AP4E1: variants seen among roughly 807,000 people sequenced by gnomAD.
AP4E1 encodes adaptor related protein complex 4 subunit epsilon 1.
In AP4E1, 56 loss-of-function variants were observed where a neutral mutation model predicts 128.2. The ratio of observed to expected loss-of-function variants is 0.44; its 90% CI spans 0.35 to 0.55. AP4E1 has a LOEUF of 0.55. Among genes scored for constraint, AP4E1 ranks in the 20% least tolerant of loss-of-function variants. The probability of loss-of-function intolerance (pLI) is 0.00; values close to 1 mark genes in which losing one functional copy is unlikely to be tolerated. For synonymous variants in AP4E1, 484 were observed against 473.1 expected (o/e 1.02, Z -0.30); for missense variants, 1,324 against 1,307.7 (o/e 1.01, Z -0.19).
At position 50,937,845 on chromosome 15, in the gene AP4E1, C is replaced by T. The variant is rs569629672; in HGVS notation, c.943+3148C>T. Among the ~76,000 whole-genome samples, 40 of 152,118 alleles carry T rather than the reference C, an allele frequency of 2.6e-4. No homozygotes were observed. In the South Asian group the frequency reaches 3.1e-3, roughly 12 times the overall value. Reference sequence around the variant, plus strand: ...TTTATGGTGGGGAGCAGTGGAAGGGCGGTATTGTGGAGGACCTGTCACAAC... The same window carrying T: ...TTTATGGTGGGGAGCAGTGGAAGGGTGGTATTGTGGAGGACCTGTCACAAC... On this transcript the variant is annotated intron_variant, in intron 8 of 20. Transcript: ENST00000261842.
At chr15:50,977,343 A>G (rs942382084) in intron 15 of AP4E1, among the ~76,000 whole-genome samples, 1 of 152,200 alleles carries the variant, frequency 6.6e-6, no homozygotes, top group Non-Finnish European at 1.5e-5. Flanking sequence ...TAGCTGACAC[A>G]AATACAAGAG....
intron 14 of AP4E1, among the ~76,000 whole-genome samples, chr15:50,960,012 AT>A (rs1388982989): frequency 6.6e-6 from 1 of 151,544 alleles, no homozygotes; most frequent in East Asian, 1.9e-4. Context: ...TGGAAAAAAA[AT>A]ATAAAGGAGA....
chr15:50,970,724 AC>A (rs1411971111), intron 15 of AP4E1, among the ~76,000 whole-genome samples: 1 of 151,574 alleles, frequency 6.6e-6, no homozygotes, highest in Non-Finnish European at 1.5e-5. Context: ...TCTTTTTCCA[AC>A]CCCCCACTTT....
At chr15:50,952,850 T>G (rs1291743826) in intron 13 of AP4E1, among the ~76,000 whole-genome samples, 1 of 152,208 alleles carries the variant, frequency 6.6e-6, no homozygotes, top group Non-Finnish European at 1.5e-5. Flanking sequence ...GGCAATGTTG[T>G]GTATTTCCTA....
In AP4E1 at chr15:51,004,488, G is replaced by C. The variant is rs573965595; in HGVS notation, c.*1826G>C. 4.2e-4 allele frequency: 64 copies of C among 152,416 alleles called. No individual in the cohort carries two copies. Among genetic ancestry groups the C allele is most frequent in the African/African-American group, 1.5e-3 (63 of 41,572 alleles). 9.4% of individuals were successfully genotyped at this position (152,416 alleles called of 1,614,324 possible). On this transcript the variant is annotated 3_prime_UTR_variant, in exon 21 of 21. Coordinates refer to ENST00000261842, the MANE Select transcript of AP4E1 (RefSeq NM_007347.5). ...ACATGGACAGCTACCAGGGAGATCTGTTGCTTGGTTACAGGGTGTATTCAT... is the reference window on the plus strand; with the variant it reads ...ACATGGACAGCTACCAGGGAGATCTCTTGCTTGGTTACAGGGTGTATTCAT...
In AP4E1 at chr15:50,929,392, A is replaced by C. The variant is rs147964779; in HGVS notation, c.702+224A>C. Among the ~76,000 whole-genome samples, 374 of 151,976 alleles carry C rather than the reference A, an allele frequency of 2.5e-3. 5 individuals carry two copies. Among genetic ancestry groups the C allele is most frequent in the Admixed American group, 0.02 (299 of 15,246 alleles). ...ATGCCTAAAATTTTTTGATGTTACTAAACAGGTGTGGAAAAATGGTATCAG... is the reference window on the plus strand; with the variant it reads ...ATGCCTAAAATTTTTTGATGTTACTCAACAGGTGTGGAAAAATGGTATCAG... On this transcript the variant is annotated intron_variant, in intron 6 of 20. Transcript: ENST00000261842.
At chr15:50,977,366 C>G (rs1319294551) in intron 15 of AP4E1, among the ~76,000 whole-genome samples, 1 of 152,118 alleles carries the variant, frequency 6.6e-6, no homozygotes, top group Non-Finnish European at 1.5e-5. Flanking sequence ...CTGGAATTCC[C>G]CAAGCTTATG....
At position 50,929,044 on chromosome 15, in the gene AP4E1, A is replaced by G. The variant is rs2063800101; in HGVS notation, c.578A>G (p.Tyr193Cys). ...IVRRKAVLALYKFHLIAPNQV... is the reference protein window; with the variant it reads ...IVRRKAVLALCKFHLIAPNQV... The stretch of plus-strand genomic sequence containing the variant: ...CGAAGAAAAGCTGTTCTGGCATTAT[A>G]CAAATTCCATCTCATTGCTCCTAAT... Residue 193 changes from tyrosine (Y) to cysteine (C), a missense_variant, in exon 6 of 21, where the codon TAC (tyrosine) becomes TGC (cysteine). Tyr to Cys is a radical substitution (Grantham distance 194). Coordinates refer to ENST00000261842, the MANE Select transcript of AP4E1 (RefSeq NM_007347.5). The G allele has an allele frequency of 3.7e-6, 6 of 1,613,768 alleles. No individual in the cohort carries two copies. The highest frequency in any genetic ancestry group is 3.3e-5 in the South Asian group (3 of 91,086).
chr15:50,990,344 T>TTTATTATTATTATTATTA lies in AP4E1; in HGVS notation c.2091-3011_2091-2994dup, dbSNP rs67379169. ...TTCCCATTTTTTATTATTTATTTAA[T>TTTATTATTATTATTATTA]TTATTATTATTATTATTATTATTAT... On this transcript the variant is annotated intron_variant, in intron 16 of 20. Transcript: ENST00000261842. 4.9e-3 allele frequency among the ~76,000 whole-genome samples: 697 copies of TTTATTATTATTATTATTA among 141,084 alleles called. 3 individuals are homozygous for TTTATTATTATTATTATTA. Among genetic ancestry groups the TTTATTATTATTATTATTA allele is most frequent in the East Asian group, 0.022 (106 of 4,866 alleles). 92.6% of individuals were successfully genotyped at this position (141,084 alleles called of 152,430 possible).
chr15:50,947,245 A>G (rs2064074499), intron 10 of AP4E1, among the ~76,000 whole-genome samples: 1 of 151,906 alleles, frequency 6.6e-6, no homozygotes, highest in Non-Finnish European at 1.5e-5. Context: ...GTCGAACTCC[A>G]TCTCTATAAA....
chr15:50,986,720 T>C (rs993767888), intron 16 of AP4E1, among the ~76,000 whole-genome samples: 12 of 152,376 alleles, frequency 7.9e-5, no homozygotes, highest in East Asian at 5.8e-4. Flanking sequence ...CAGTATTTTA[T>C]TGAGGATTTT....
At chr15:50,932,441 A>G (rs1375824184) in intron 7 of AP4E1, among the ~76,000 whole-genome samples, 1 of 152,190 alleles carries the variant, frequency 6.6e-6, no homozygotes, top group East Asian at 1.9e-4. Context: ...ATGTGCACCT[A>G]CATATTATTT....
intron 15 of AP4E1, among the ~76,000 whole-genome samples, chr15:50,974,266 A>AT (rs958466492): frequency 0.17 from 19,642 of 112,514 alleles, 1,769 homozygotes; most frequent in Middle Eastern, 0.29. Context: ...GTGCCCGGCC[A>AT]TTTTTTTTTT....
rs1030935885 is a variant in AP4E1 at position 50,999,194 on chromosome 15, T to C, written c.3027T>C (p.Tyr1009=). 6.2e-7 allele frequency: 1 copy of C among 1,613,618 alleles called. No homozygotes were observed. The change falls in exon 19 of 21, where the codon TAT becomes TAC. Residue 1009 remains tyrosine, a synonymous_variant. Coordinates refer to ENST00000261842, the MANE Select transcript of AP4E1 (RefSeq NM_007347.5). The stretch of plus-strand genomic sequence containing the variant: ...GAAATCTTACTGGTTTTATTAGTTA[T>C]CATATGATGGATACTCATTCTGCTC... ...TEGNLTGFIS[Y]HMMDTHSAQL...
Position 50,960,330 on chromosome 15 carries a change from C to G in AP4E1, c.1851+1536C>G, listed in dbSNP as rs533468605. On this transcript the variant is annotated intron_variant, in intron 14 of 20. Coordinates refer to ENST00000261842, the MANE Select transcript of AP4E1 (RefSeq NM_007347.5). ...ACAGCTGCAGAATACACATTCTTCT[C>G]ATCAACACATGGAACATTCTCCAGG... is the stretch of plus-strand genomic sequence containing the variant. Among the ~76,000 whole-genome samples the G allele has an allele frequency of 2.6e-5, 4 of 152,270 alleles. No individual in the cohort carries two copies. The East Asian group carries it at 7.7e-4, about 29-fold the overall frequency.
At chr15:50,970,066 T>G (rs2064457791) in intron 15 of AP4E1, among the ~76,000 whole-genome samples, 1 of 152,222 alleles carries the variant, frequency 6.6e-6, no homozygotes, top group Non-Finnish European at 1.5e-5. Flanking sequence ...AGCTGTAATT[T>G]TTTATCCTTT....
chr15:50,925,813 T>A (rs76164919), intron 5 of AP4E1, among the ~76,000 whole-genome samples: 2 of 140,484 alleles, frequency 1.4e-5, no homozygotes, highest in African/African-American at 5.2e-5. Context: ...TTTTTTTTTT[T>A]AATAGAAACT....
Position 50,993,593 on chromosome 15 carries a change from G to T in AP4E1, c.2314G>T (p.Val772Phe). 1 of 1,613,974 alleles carries T rather than the reference G, an allele frequency of 6.2e-7. No homozygotes were observed. Among genetic ancestry groups the T allele is most frequent in the Non-Finnish European group, 8.5e-7 (1 of 1,179,900 alleles). The change falls in exon 17 of 21, where the codon GTT (valine) becomes TTT (phenylalanine). Residue 772 changes from valine (V) to phenylalanine (F), a missense_variant. By Grantham distance (50) the Val-to-Phe change is conservative (BLOSUM62 -1). Coordinates refer to ENST00000261842, the MANE Select transcript of AP4E1 (RefSeq NM_007347.5). ...EKQLLASSLF[V>F]GLGSESTINL... ...GCAGCTGCTGGCATCATCATTATTT[G>T]TTGGTCTAGGATCAGAAAGTACAAT...
intron 7 of AP4E1, among the ~76,000 whole-genome samples, chr15:50,931,852 C>A (rs2063840628): frequency 6.6e-6 from 1 of 152,132 alleles, no homozygotes; most frequent in Admixed American, 6.5e-5. Context: ...AGTTTGCCAA[C>A]CCTTGCTCTG....
Sources: allele counts gnomAD v4.1 joint callset (sites outside exome capture counted in the v4.1 genomes callset), GRCh38; gene constraint gnomAD v4.1.1; transcripts MANE v1.5; gene names NCBI Gene and HGNC (gene_info 2026-07-23, HGNC 2026-07-21).